Variants in CUX1 observed in about 807,000 individuals in gnomAD.
CUX1 encodes the protein protein CASP.
In CUX1, 31 loss-of-function variants were observed where a neutral mutation model predicts 158.8. That is an observed-to-expected ratio of 0.20 (90% CI 0.15 to 0.26). The LOEUF (loss-of-function observed/expected upper bound fraction) is 0.26. Among genes scored for constraint, CUX1 ranks in the 10% least tolerant of loss-of-function variants. The pLI is 1.00. For synonymous variants in CUX1, 879 were observed against 862.1 expected (o/e 1.02, Z -0.34); for missense variants, 1,589 against 2,014.6 (o/e 0.79, Z 4.04).
At chr7:102,116,520 CT>C (rs1831453693) in intron 8 of CUX1, among the ~76,000 whole-genome samples, 1 of 152,072 alleles carries the variant, frequency 6.6e-6, no homozygotes, top group African/African-American at 2.4e-5. Flanking sequence ...CAGTGTGCAC[CT>C]GTAGTCCCAG....
At chr7:102,156,615 G>C (rs1386820063) in intron 8 of CUX1, among the ~76,000 whole-genome samples, 1 of 152,184 alleles carries the variant, frequency 6.6e-6, no homozygotes, top group Non-Finnish European at 1.5e-5. Flanking sequence ...TTCAGTAGCA[G>C]TTTTGGTGGA....
At chr7:101,846,596 A>C (rs561259334) in intron 1 of CUX1, among the ~76,000 whole-genome samples, 149 of 152,184 alleles carry the variant, frequency 9.8e-4, no homozygotes, top group Non-Finnish European at 1.6e-3. Context: ...CCAAAGTGCT[A>C]GGATTGCCAG....
At chr7:101,825,816 T>G (rs1793227970) in intron 1 of CUX1, among the ~76,000 whole-genome samples, 1 of 141,548 alleles carries the variant, frequency 7.1e-6, no homozygotes, top group African/African-American at 2.6e-5. Context: ...CGCGCGCAGT[T>G]AGTCTTCGGG....
chr7:102,249,952 A>G lies in CUX1; in HGVS notation c.*910A>G. 3 of 985,698 alleles carry G rather than the reference A, an allele frequency of 3.0e-6. No individual in the cohort carries two copies. Among genetic ancestry groups the G allele is most frequent in the Non-Finnish European group, 3.6e-6 (3 of 829,914 alleles). 61.1% of individuals were successfully genotyped at this position (985,698 alleles called of 1,614,324 possible). A position where few individuals can be genotyped will look rare whatever the true frequency, so the allele number is the denominator to read the frequency against. Reference sequence around the variant, plus strand: ...TCTTGTACGTGAATAGAATCCTGACATGTAGTGCACATTGATGTATAGCTT... The same window carrying G: ...TCTTGTACGTGAATAGAATCCTGACGTGTAGTGCACATTGATGTATAGCTT... On this transcript the variant is annotated 3_prime_UTR_variant, in exon 24 of 24. Coordinates refer to ENST00000292535, the MANE Select transcript of CUX1 (RefSeq NM_181552.4).
intron 2 of CUX1, among the ~76,000 whole-genome samples, chr7:101,928,450 A>G (rs1376358589): frequency 2.0e-5 from 3 of 147,682 alleles, no homozygotes; most frequent in Non-Finnish European, 3.0e-5. Context: ...GGCTCACTGC[A>G]ACCTCTGCCT....
intron 1 of CUX1, among the ~76,000 whole-genome samples, chr7:101,841,453 CTTT>C (rs112418814): frequency 1.3e-5 from 2 of 151,216 alleles, no homozygotes; most frequent in Non-Finnish European, 3.0e-5. Flanking sequence ...TTAATCTTGC[CTTT>C]TTTTTATGTG....
Position 102,258,119 on chromosome 7 carries a change from G to T in CUX1, c.*9077G>T, listed in dbSNP as rs555211512. 9.3e-5 allele frequency: 92 copies of T among 985,018 alleles called. 1 individual carries two copies. The highest frequency in any genetic ancestry group is 1.0e-4 in the Non-Finnish European group (85 of 829,818). The allele number at this position is 985,018 out of a possible 1,614,324, so 61.0% of individuals were successfully genotyped here. On this transcript the variant is annotated 3_prime_UTR_variant, in exon 24 of 24. Coordinates refer to ENST00000292535, the MANE Select transcript of CUX1 (RefSeq NM_181552.4). ...ATGTTTGTTCTCAGCACTGTACAAC[G>T]GTCCCTATATAATACGGAGAAGCAA...
rs531015466 is a variant in CUX1, at chr7:102,253,758, C to T, written c.*4716C>T. ...CCATAGACCTTACTCATCCCAAGGCCGACAAGCCAGCTGTACAGGGCGAGA... is the reference window on the plus strand; with the variant it reads ...CCATAGACCTTACTCATCCCAAGGCTGACAAGCCAGCTGTACAGGGCGAGA... On this transcript the variant is annotated 3_prime_UTR_variant, in exon 24 of 24. Coordinates refer to ENST00000292535, the MANE Select transcript of CUX1 (RefSeq NM_181552.4). The T allele has an allele frequency of 1.0e-5, 10 of 985,438 alleles. No individual in the cohort carries two copies. The highest frequency in any genetic ancestry group is 8.7e-5 in the African/African-American group (5 of 57,336). 61.0% of individuals were successfully genotyped at this position (985,438 alleles called of 1,614,324 possible).
At chr7:102,247,166 C>T (rs1176729952) in intron 23 of CUX1, among the ~76,000 whole-genome samples, 2 of 151,448 alleles carry the variant, frequency 1.3e-5, no homozygotes, top group African/African-American at 4.9e-5. Flanking sequence ...TGCATTTCAG[C>T]CTGAGTGACA....
intron 20 of CUX1, among the ~76,000 whole-genome samples, chr7:102,222,960 C>T (rs560551395): frequency 5.6e-4 from 85 of 150,948 alleles, no homozygotes; most frequent in African/African-American, 1.9e-3. Flanking sequence ...GCTGGGCACG[C>T]GCCTGGCTAA....
At chr7:102,076,398 TA>T (rs144025565) in intron 4 of CUX1, among the ~76,000 whole-genome samples, 19,172 of 147,982 alleles carry the variant, frequency 0.13, 1,582 homozygotes, top group Non-Finnish European at 0.18. Context: ...TAAATAAAAT[TA>T]AAAAAAAAAG....
chr7:102,014,520 T>G (rs1219947517), intron 2 of CUX1, among the ~76,000 whole-genome samples: 1 of 152,216 alleles, frequency 6.6e-6, no homozygotes, highest in East Asian at 1.9e-4. Flanking sequence ...TGCCCTTGAA[T>G]GGACTTTCTT....
chr7:102,027,014 C>T (rs550034665), intron 2 of CUX1, among the ~76,000 whole-genome samples: 5 of 152,140 alleles, frequency 3.3e-5, no homozygotes, highest in African/African-American at 9.6e-5. Context: ...GCACTGGTGG[C>T]ATGGGATAAA....
intron 10 of CUX1, among the ~76,000 whole-genome samples, chr7:102,173,768 G>A (rs782037068): frequency 6.6e-6 from 1 of 152,120 alleles, no homozygotes; most frequent in African/African-American, 2.4e-5. Flanking sequence ...GGATCCTAGG[G>A]GCGCTTAAAC....
chr7:102,229,083 C>G (rs1273895845), intron 21 of CUX1, among the ~76,000 whole-genome samples: 1 of 152,190 alleles, frequency 6.6e-6, no homozygotes, highest in African/African-American at 2.4e-5. Context: ...ATTGCTGTTC[C>G]CGCTGCCTTG....
At chr7:101,896,051 GTATT>G (rs556992820) in intron 1 of CUX1, among the ~76,000 whole-genome samples, 2 of 151,620 alleles carry the variant, frequency 1.3e-5, no homozygotes, top group South Asian at 2.1e-4. Flanking sequence ...TGCACTTGGC[GTATT>G]TATTTATTTA....
At chr7:102,110,510 C>T (rs926063367) in intron 6 of CUX1, among the ~76,000 whole-genome samples, 1 of 152,140 alleles carries the variant, frequency 6.6e-6, no homozygotes, top group Non-Finnish European at 1.5e-5. Context: ...TCATATTACG[C>T]TGTAGTGTGT....
At chr7:102,059,631 CAAAAAAAAA>C (rs747660590) in intron 3 of CUX1, among the ~76,000 whole-genome samples, 6 of 88,246 alleles carry the variant, frequency 6.8e-5, no homozygotes, top group East Asian at 5.3e-4. Flanking sequence ...GACTTCATCT[CAAAAAAAAA>C]AAAAAAAAAA....
intron 2 of CUX1, among the ~76,000 whole-genome samples, chr7:102,006,004 G>A (rs1022633320): frequency 1.2e-4 from 19 of 152,204 alleles, no homozygotes; most frequent in Non-Finnish European, 1.0e-4. Flanking sequence ...TTTGGAAGCC[G>A]ATGGAAGATG....
Sources: allele counts gnomAD v4.1 joint callset (sites outside exome capture counted in the v4.1 genomes callset), GRCh38; gene constraint gnomAD v4.1.1; transcripts MANE v1.5; gene names NCBI Gene and HGNC (gene_info 2026-07-23, HGNC 2026-07-21).